The following SLCO3A1 variants were observed in gnomAD, a reference collection of about 807,000 sequenced individuals.
The protein encoded by SLCO3A1 is solute carrier organic anion transporter family member 3A1, also known as PGE1 transporter.
SLCO3A1 carries 27 observed loss-of-function variants against 63.1 expected under a neutral mutation model. The observed-to-expected ratio is 0.43, with a 90% CI of 0.32 to 0.59. The LOEUF is 0.59. Among genes scored for constraint, SLCO3A1 ranks in the 20% least tolerant of loss-of-function variants. The pLI is 0.09. For synonymous variants in SLCO3A1, 473 were observed against 409.9 expected, an observed-to-expected ratio of 1.15 and a Z score of -1.86; for missense variants, 773 against 945.8, an observed-to-expected ratio of 0.82 and a Z score of 2.40.
At chr15:92,090,294 G>C (rs1231804178) in intron 2 of SLCO3A1, among the ~76,000 whole-genome samples, 1 of 152,192 alleles carries the variant, frequency 6.6e-6, no homozygotes, top group Admixed American at 6.5e-5. Flanking sequence ...AGAGATGTCA[G>C]GTATTGCTGT....
chr15:92,022,604 A>T (rs555060988), intron 2 of SLCO3A1, among the ~76,000 whole-genome samples: 82 of 152,334 alleles, frequency 5.4e-4, no homozygotes, highest in African/African-American at 1.9e-3. Context: ...GAATTCACCC[A>T]TCAGCTGTTT....
At chr15:92,002,927 T>G (rs1427745418) in intron 2 of SLCO3A1, among the ~76,000 whole-genome samples, 1 of 152,160 alleles carries the variant, frequency 6.6e-6, no homozygotes, top group Non-Finnish European at 1.5e-5. Context: ...ATGCCGCCAA[T>G]TAGTTCAACA....
Position 91,895,231 on chromosome 15 carries a change from C to A in SLCO3A1, c.181-20762C>A, listed in dbSNP as rs549494650. The stretch of plus-strand genomic sequence containing the variant: ...CTGTGCTAGTAACACAGTGCACTTT[C>A]TTGGTGTCTGGGAGAAATGAGACTT... On this transcript the variant is annotated intron_variant, in intron 1 of 9. Coordinates refer to ENST00000318445, the MANE Select transcript of SLCO3A1 (RefSeq NM_013272.4). 5.3e-5 allele frequency among the ~76,000 whole-genome samples: 8 copies of A among 152,252 alleles called. No homozygotes were observed. In the South Asian group the frequency reaches 1.7e-3, roughly 32 times the overall value.
Position 91,956,265 on chromosome 15 carries a change from G to A in SLCO3A1, c.646+39807G>A, listed in dbSNP as rs1255509552. Among the ~76,000 whole-genome samples, 3 of 152,224 alleles carry A rather than the reference G, an allele frequency of 2.0e-5. No homozygotes were observed. The East Asian group carries it at 5.8e-4, about 29-fold the overall frequency. On this transcript the variant is annotated intron_variant, in intron 2 of 9. Coordinates refer to ENST00000318445, the MANE Select transcript of SLCO3A1 (RefSeq NM_013272.4). ...GCAGCAGGCCTGAGACCCAGAACCAGTGATCATGTTTGTGAGCAAATGACT... is the reference window on the plus strand; with the variant it reads ...GCAGCAGGCCTGAGACCCAGAACCAATGATCATGTTTGTGAGCAAATGACT...
intron 1 of SLCO3A1, among the ~76,000 whole-genome samples, chr15:91,896,053 C>T (rs1000610260): frequency 1.4e-4 from 22 of 152,184 alleles, no homozygotes; most frequent in African/African-American, 5.3e-4. Flanking sequence ...CTTCAGTTCT[C>T]AATGTTTGTG....
chr15:91,898,071 C>T (rs1327410566), intron 1 of SLCO3A1, among the ~76,000 whole-genome samples: 1 of 152,216 alleles, frequency 6.6e-6, no homozygotes, highest in East Asian at 1.9e-4. Flanking sequence ...GCTAGTGTGA[C>T]CCAGTTAACA....
At chr15:92,125,862 G>T (rs1445415044) in intron 5 of SLCO3A1, among the ~76,000 whole-genome samples, 199 bp from the exon 6 acceptor site, 1 of 151,794 alleles carries the variant, frequency 6.6e-6, no homozygotes, top group African/African-American at 2.4e-5. Context: ...CTTTATGTCT[G>T]TCTCCCCCAG....
intron 2 of SLCO3A1, among the ~76,000 whole-genome samples, chr15:92,025,008 T>C (rs905547564): frequency 1.3e-5 from 2 of 148,544 alleles, no homozygotes; most frequent in Non-Finnish European, 3.0e-5. Flanking sequence ...CTTCCATCCA[T>C]CTGTTCATCC....
At position 91,883,401 on chromosome 15, in the gene SLCO3A1, G is replaced by A. The variant is rs1897645145; in HGVS notation, c.180+29313G>A. 6.6e-6 allele frequency among the ~76,000 whole-genome samples: 1 copy of A among 152,204 alleles called. No homozygotes were observed. Among genetic ancestry groups the A allele is most frequent in the South Asian group, 2.1e-4 (1 of 4,834 alleles). The stretch of plus-strand genomic sequence containing the variant: ...AGGCTTCTTGGTAGAAGCAGTGCCA[G>A]TTTGGGATCAGAACGTCCAATCGCT... On this transcript the variant is annotated intron_variant, in intron 1 of 9. Transcript: ENST00000318445. The surrounding 1 kb of genome is among the most constrained non-coding windows in gnomAD (Gnocchi z 4.8).
At chr15:92,006,480 C>T (rs1319734625) in intron 2 of SLCO3A1, among the ~76,000 whole-genome samples, 2 of 152,180 alleles carry the variant, frequency 1.3e-5, no homozygotes, top group Non-Finnish European at 2.9e-5. Context: ...AAGTCAATCT[C>T]TGTGAGTCTT....
chr15:91,868,186 G>A (rs1192758526), intron 1 of SLCO3A1, among the ~76,000 whole-genome samples: 1 of 151,860 alleles, frequency 6.6e-6, no homozygotes, highest in Non-Finnish European at 1.5e-5. Flanking sequence ...CTAGTAGCTG[G>A]GATTACAGGA....
At chr15:92,152,199 G>A (rs11631479) in intron 9 of SLCO3A1, among the ~76,000 whole-genome samples, 79,059 of 152,130 alleles carry the variant, frequency 0.52, 21,090 homozygotes, top group African/African-American at 0.64. Context: ...TATGAGATTA[G>A]TTTTTATATA....
intron 2 of SLCO3A1, among the ~76,000 whole-genome samples, chr15:91,995,661 G>T (rs188906290): frequency 6.8e-6 from 1 of 146,556 alleles, no homozygotes; most frequent in East Asian, 2.0e-4. Flanking sequence ...TGAAACTGAA[G>T]CTTTAGTCCT....
At chr15:91,992,504 G>C (rs1202703182) in intron 2 of SLCO3A1, among the ~76,000 whole-genome samples, 1 of 152,172 alleles carries the variant, frequency 6.6e-6, no homozygotes, top group Non-Finnish European at 1.5e-5. Flanking sequence ...TCTGTTGAGG[G>C]TTAAAACGGG....
chr15:91,873,907 C>T (rs1897336495), intron 1 of SLCO3A1, among the ~76,000 whole-genome samples: 1 of 151,970 alleles, frequency 6.6e-6, no homozygotes, highest in African/African-American at 2.4e-5. Flanking sequence ...TGTGTCATTT[C>T]CTTTGTTTTT....
At position 91,950,065 on chromosome 15, in the gene SLCO3A1, T is replaced by C. The variant is rs1410709883; in HGVS notation, c.646+33607T>C. 6.6e-6 allele frequency among the ~76,000 whole-genome samples: 1 copy of C among 152,112 alleles called. No homozygotes were observed. Among genetic ancestry groups the C allele is most frequent in the East Asian group, 1.9e-4 (1 of 5,180 alleles). On this transcript the variant is annotated intron_variant, in intron 2 of 9. Coordinates refer to ENST00000318445, the MANE Select transcript of SLCO3A1 (RefSeq NM_013272.4). This position sits in a 1 kb window ranked among gnomAD's most constrained non-coding sequence, Gnocchi z 4.4. ...ATGGATTCTATACGGAAGAGATAAATGCCCTGCTGTGGAAATGTAGAGGAG... is the reference window on the plus strand; with the variant it reads ...ATGGATTCTATACGGAAGAGATAAACGCCCTGCTGTGGAAATGTAGAGGAG...
intron 1 of SLCO3A1, among the ~76,000 whole-genome samples, chr15:91,904,305 G>A (rs1898238088): frequency 6.6e-6 from 1 of 152,192 alleles, no homozygotes; most frequent in African/African-American, 2.4e-5. Context: ...CAACAAGTAG[G>A]AAACTGTTTT....
chr15:92,030,481 C>T (rs1386577857), intron 2 of SLCO3A1, among the ~76,000 whole-genome samples: 3 of 152,092 alleles, frequency 2.0e-5, no homozygotes, highest in Admixed American at 2.0e-4. Context: ...ATTACTATGC[C>T]GTCTAAGACA....
At chr15:91,982,523 G>A (rs752835660) in intron 2 of SLCO3A1, among the ~76,000 whole-genome samples, 3 of 152,178 alleles carry the variant, frequency 2.0e-5, no homozygotes, top group Non-Finnish European at 2.9e-5. Flanking sequence ...AACATCTTGG[G>A]TGGACATTCC....
Sources: gnomAD v4.1 joint callset for allele counts (sites outside exome capture counted in the v4.1 genomes callset) on GRCh38, gnomAD v4.1.1 for gene constraint, Gnocchi (gnomAD v3.1) non-coding constraint, MANE v1.5 for transcripts, NCBI Gene and HGNC (gene_info 2026-07-23, HGNC 2026-07-21) for gene names.